Variants in CACTIN observed in about 807,000 individuals in gnomAD.
CACTIN encodes the protein cactin, spliceosome C complex subunit.
CACTIN carries 20 observed loss-of-function variants against 84.9 expected under a neutral mutation model. The observed-to-expected ratio is 0.24, with a 90% confidence interval of 0.17 to 0.34. The LOEUF is 0.34. Among genes scored for constraint, CACTIN ranks in the 10% least tolerant of loss-of-function variants. The pLI, the probability that CACTIN is intolerant of heterozygous loss-of-function variation, is 1.00. For missense variants in CACTIN, 897 were observed against 1,117.2 expected (o/e 0.80, Z 2.81); for synonymous variants, 549 against 467.9 (o/e 1.17, Z -2.24).
chr19:3,617,851 G>T (rs534738703), intron 6 of CACTIN, among the ~76,000 whole-genome samples: 2 of 152,322 alleles, frequency 1.3e-5, no homozygotes, highest in African/African-American at 4.8e-5. Context: ...TGTGCCCCAC[G>T]GAGGAGACCA....
chr19:3,625,712 G>A (rs539142822), intron 1 of CACTIN, among the ~76,000 whole-genome samples: 1 of 152,230 alleles, frequency 6.6e-6, no homozygotes, highest in Non-Finnish European at 1.5e-5. Context: ...GGGCGACAGA[G>A]CAAGACTCCG....
chr19:3,621,965 T>C (rs887638981), intron 2 of CACTIN, among the ~76,000 whole-genome samples: 1 of 152,116 alleles, frequency 6.6e-6, no homozygotes, highest in African/African-American at 2.4e-5. Flanking sequence ...AGCCCACACG[T>C]TGCCTGCTCC....
chr19:3,614,992 G>A (rs982541025), intron 6 of CACTIN: 1 of 287,168 alleles, frequency 3.5e-6, no homozygotes, highest in Non-Finnish European at 6.8e-6. Flanking sequence ...GGGGTTGGGG[G>A]GTGTGCTCGG....
intron 2 of CACTIN, among the ~76,000 whole-genome samples, chr19:3,621,451 G>A (rs1361209323): frequency 2.0e-5 from 3 of 152,340 alleles, no homozygotes; most frequent in South Asian, 2.1e-4. Context: ...CCGTCGCCAT[G>A]AGGGGGTTCC....
At chr19:3,617,220 A>G (rs558039871) in intron 6 of CACTIN, among the ~76,000 whole-genome samples, 3 of 152,376 alleles carry the variant, frequency 2.0e-5, no homozygotes, top group African/African-American at 7.2e-5. Context: ...TCGAGGCTAC[A>G]GTGAGCCTTG....
chr19:3,619,278 G>A, intron 4 of CACTIN, 36 bp from the exon 5 acceptor site: 1 of 1,601,624 alleles, frequency 6.2e-7, no homozygotes, highest in South Asian at 1.1e-5. Context: ...TCAGAGCCTG[G>A]GCTGTGCCCT....
At position 3,620,554 on chromosome 19, in the gene CACTIN, T is replaced by G; in HGVS notation, c.738+153A>C. The stretch of plus-strand genomic sequence containing the variant: ...AGCCGAGAGGTGGAGGGAAACAGTT[T>G]CCTGGGGCCATGGTCTGAGCCCCTG... On this transcript the variant is annotated intron_variant, in intron 3 of 9. Coordinates refer to ENST00000429344, the MANE Select transcript of CACTIN (RefSeq NM_001080543.2). 4.5e-6 allele frequency: 3 copies of G among 669,200 alleles called. No homozygotes were observed. In the South Asian group the frequency reaches 5.6e-5, roughly 13 times the overall value. The allele number at this position is 669,200 out of a possible 1,614,324, so 41.5% of individuals were successfully genotyped here. A position where few individuals can be genotyped will look rare whatever the true frequency, so the allele number is the denominator to read the frequency against.
Position 3,619,119 on chromosome 19 carries a change from G to A in CACTIN, c.1008C>T (p.Leu336=), listed in dbSNP as rs748524656. Residue 336 remains leucine, a synonymous_variant, in exon 5 of 10, where the codon CTC becomes CTT. Transcript: ENST00000429344. ...MHEPYTFLNG[L]TVADMEDLLE... ...GCAGGTCCTCCATGTCGGCCACGGT[G>A]AGGCCGTTGAGGAACGTGTAGGGCT... 18 of 1,589,394 alleles carry A rather than the reference G, an allele frequency of 1.1e-5. No homozygotes were observed. The highest frequency in any genetic ancestry group is 1.5e-5 in the Non-Finnish European group (18 of 1,168,816).
At chr19:3,626,322 C>G (rs893576591) in intron 1 of CACTIN, among the ~76,000 whole-genome samples, 2 of 152,222 alleles carry the variant, frequency 1.3e-5, no homozygotes, top group African/African-American at 4.8e-5. Flanking sequence ...ACACAGGGCT[C>G]GATATGATAT....
intron 2 of CACTIN, 86 bp from the exon 3 acceptor site, chr19:3,620,888 G>A (rs761032334): frequency 2.3e-5 from 25 of 1,082,388 alleles, no homozygotes; most frequent in Non-Finnish European, 3.5e-5. Flanking sequence ...GATTGACCAG[G>A]GCCCTTGTTT....
intron 1 of CACTIN, among the ~76,000 whole-genome samples, chr19:3,625,346 T>C (rs893547664): frequency 2.6e-5 from 4 of 152,248 alleles, no homozygotes; most frequent in Non-Finnish European, 5.9e-5. Context: ...TTCGTGAACA[T>C]TAATTCTAAT....
Position 3,612,386 on chromosome 19 carries a change from A to T in CACTIN, c.1814T>A (p.Ile605Asn). The change falls in exon 10 of 10, where the codon ATC (isoleucine) becomes AAC (asparagine). Residue 605 changes from isoleucine to asparagine, a missense_variant. Ile to Asn is a moderately radical substitution (Grantham distance 149, BLOSUM62 -3). Transcript: ENST00000429344. ...GCCCTCCTTGGCCCGCCGGAAGAAG[A>T]TGTCCTCGGCGCTCTCGCTGGCGTC... is the stretch of plus-strand genomic sequence containing the variant. ...TGDASESAED[I>N]FFRRAKEGMG... 6.2e-7 allele frequency: 1 copy of T among 1,602,936 alleles called. No homozygotes were observed. The highest frequency in any genetic ancestry group is 8.5e-7 in the Non-Finnish European group (1 of 1,176,720).
intron 7 of CACTIN, among the ~76,000 whole-genome samples, 172 bp downstream of exon 7, chr19:3,614,225 G>A (rs978624680): frequency 3.5e-5 from 5 of 141,730 alleles, no homozygotes; most frequent in Non-Finnish European, 7.6e-5. Flanking sequence ...CGCGCCCCCC[G>A]GCCCCCCTTC....
Position 3,613,523 on chromosome 19 carries a change from GC to G in CACTIN, c.1418del (p.Gly473AlafsTer74). The part of the protein sequence containing the change: ...QKLYKLKQEQ[G>X]VESEPLFPIL... ...TGGGGAACAGCGGCTCGCTCTCCACGCCCTGCTCCTGCTTCAGTTTGTACAG... is the reference window on the plus strand; with the variant it reads ...TGGGGAACAGCGGCTCGCTCTCCACGCCTGCTCCTGCTTCAGTTTGTACAG... On this transcript the variant is annotated frameshift_variant, in exon 8 of 10. Coordinates refer to ENST00000429344, the MANE Select transcript of CACTIN (RefSeq NM_001080543.2). LOFTEE classifies it high-confidence loss of function. 1 of 1,591,562 alleles carries G rather than the reference GC, an allele frequency of 6.3e-7. No individual in the cohort carries two copies.
At chr19:3,619,532 C>T (rs1051767650) in intron 4 of CACTIN, among the ~76,000 whole-genome samples, 7 of 152,172 alleles carry the variant, frequency 4.6e-5, no homozygotes, top group African/African-American at 9.7e-5. Flanking sequence ...CCCAGGATGG[C>T]GGCTTCTATG....
At chr19:3,613,022 C>CA in intron 9 of CACTIN, 36 bp downstream of exon 9, 1 of 1,495,846 alleles carries the variant, frequency 6.7e-7, no homozygotes, top group Non-Finnish European at 8.9e-7. Context: ...GCTCGCCCCA[C>CA]TGGCCCCACC....
Position 3,615,233 on chromosome 19 carries a change from G to A in CACTIN, c.1163-644C>T, listed in dbSNP as rs1187919273. ...GCATCTACCACTGGCCCAGGGGCCC[G>A]AGGCTCAAGTCCCTCCTCGATAGAC... On this transcript the variant is annotated intron_variant, in intron 6 of 9. Transcript: ENST00000429344. This position sits in a 1 kb window ranked among gnomAD's most constrained non-coding sequence, Gnocchi z 5.2. 1.3e-5 allele frequency: 2 copies of A among 157,810 alleles called. No individual in the cohort carries two copies. Among genetic ancestry groups the A allele is most frequent in the Non-Finnish European group, 2.8e-5 (2 of 71,354 alleles). The allele number at this position is 157,810 out of a possible 1,614,324, so 9.8% of individuals were successfully genotyped here.
intron 1 of CACTIN, among the ~76,000 whole-genome samples, chr19:3,626,336 C>G (rs558155680): frequency 1.3e-5 from 2 of 152,368 alleles, no homozygotes; most frequent in South Asian, 4.1e-4. Flanking sequence ...ATGATATGAT[C>G]TGATCTCTCG....
At chr19:3,620,851 C>T in intron 2 of CACTIN, 49 bp from the exon 3 acceptor site, 1 of 1,467,194 alleles carries the variant, frequency 6.8e-7, no homozygotes, top group Non-Finnish European at 9.5e-7. Flanking sequence ...GCCCCCTCGC[C>T]CCCCTCCTCA....
Sources: gnomAD v4.1 joint callset for allele counts (sites outside exome capture counted in the v4.1 genomes callset) on GRCh38, gnomAD v4.1.1 for gene constraint, Gnocchi (gnomAD v3.1) non-coding constraint, MANE v1.5 for transcripts, NCBI Gene and HGNC (gene_info 2026-07-23, HGNC 2026-07-21) for gene names.